The following CACNB2 variants were observed in gnomAD, a reference collection of about 807,000 sequenced individuals.
CACNB2 encodes the protein voltage-dependent L-type calcium channel subunit beta-2.
CACNB2 carries 42 observed loss-of-function variants against 73.3 expected under a neutral mutation model. The ratio of observed to expected loss-of-function variants is 0.57; its 90% CI spans 0.45 to 0.74. CACNB2 has a LOEUF of 0.74. CACNB2 is among the 30% of genes least tolerant of loss of function. The pLI is 0.00. For synonymous variants in CACNB2, 348 were observed against 310.3 expected, an observed-to-expected ratio of 1.12 and a Z score of -1.28; for missense variants, 940 against 853.0, an observed-to-expected ratio of 1.10 and a Z score of -1.27.
intron 2 of CACNB2, among the ~76,000 whole-genome samples, chr10:18,267,876 C>G (rs1296828346): frequency 6.6e-6 from 1 of 152,182 alleles, no homozygotes; most frequent in African/African-American, 2.4e-5. Context: ...AGCGGCCCAG[C>G]CTTTGCACAC....
intron 10 of CACNB2, among the ~76,000 whole-genome samples, chr10:18,529,594 G>A (rs1024083296): frequency 6.6e-6 from 1 of 152,182 alleles, no homozygotes; most frequent in Non-Finnish European, 1.5e-5. Context: ...GAGGGTGACA[G>A]TGATTCGAGA....
intron 3 of CACNB2, among the ~76,000 whole-genome samples, chr10:18,429,664 C>CA (rs1265429356): frequency 0.12 from 7,528 of 62,776 alleles, 1,385 homozygotes; most frequent in African/African-American, 0.26. Context: ...CCGTCTCTAC[C>CA]AAAAAAAAAA....
chr10:18,324,360 G>T (rs2040502808), intron 2 of CACNB2, among the ~76,000 whole-genome samples: 1 of 152,168 alleles, frequency 6.6e-6, no homozygotes, highest in Non-Finnish European at 1.5e-5. Context: ...ATTGGAGTTT[G>T]CCAGGAAGAC....
intron 2 of CACNB2, among the ~76,000 whole-genome samples, chr10:18,273,888 C>T (rs1375160415): frequency 6.6e-6 from 1 of 152,176 alleles, no homozygotes; most frequent in Non-Finnish European, 1.5e-5. Context: ...CAAGGTACAA[C>T]TTTAACTACT....
At chr10:18,388,240 ACTT>A (rs1439100740) in intron 2 of CACNB2, among the ~76,000 whole-genome samples, 1 of 152,216 alleles carries the variant, frequency 6.6e-6, no homozygotes, top group East Asian at 1.9e-4. Flanking sequence ...GATATAAACT[ACTT>A]TTGACCAATG....
chr10:18,329,554 A>G (rs912749707), intron 2 of CACNB2, among the ~76,000 whole-genome samples: 3 of 151,722 alleles, frequency 2.0e-5, no homozygotes, highest in African/African-American at 7.3e-5. Flanking sequence ...AAGCTTAAAT[A>G]ATGGGCCATT....
chr10:18,308,127 A>G (rs531494047), intron 2 of CACNB2, among the ~76,000 whole-genome samples: 16 of 151,232 alleles, frequency 1.1e-4, no homozygotes, highest in African/African-American at 2.7e-4. Flanking sequence ...CTGAGCAGCT[A>G]CGATTACAGG....
chr10:18,400,953 G>T (rs973065942), intron 2 of CACNB2: 1 of 1,607,526 alleles, frequency 6.2e-7, no homozygotes, highest in East Asian at 2.2e-5. Context: ...AAAGGAGCTG[G>T]GGTTCTCCGG....
rs201538016 is a variant in CACNB2 at position 18,396,226 on chromosome 10, G to A, written c.214-5698G>A. Among the ~76,000 whole-genome samples the A allele has an allele frequency of 7.9e-5, 12 of 152,220 alleles. No homozygotes were observed. In the East Asian group the frequency reaches 2.3e-3, roughly 29 times the overall value. On this transcript the variant is annotated intron_variant, in intron 2 of 13. Transcript: ENST00000324631. ...CCTGCCTCTGCCTCCCAAAGTGCTG[G>A]GATTACAGGCATGAGCCAGCATGCA...
intron 2 of CACNB2, among the ~76,000 whole-genome samples, chr10:18,249,937 G>T (rs905539156): frequency 6.6e-6 from 1 of 152,014 alleles, no homozygotes; most frequent in Non-Finnish European, 1.5e-5. Flanking sequence ...CTCAGGAAAT[G>T]GAGCAATCAT....
intron 2 of CACNB2, among the ~76,000 whole-genome samples, chr10:18,285,620 A>G (rs2038753978): frequency 6.6e-6 from 1 of 152,222 alleles, no homozygotes; most frequent in Admixed American, 6.5e-5. Flanking sequence ...ATAAGATAAT[A>G]AGTTGTTCTT....
chr10:18,535,294 T>C (rs1460700426), intron 11 of CACNB2, among the ~76,000 whole-genome samples: 2 of 152,164 alleles, frequency 1.3e-5, no homozygotes, highest in African/African-American at 4.8e-5. Flanking sequence ...AAGAAGACTA[T>C]ACTAAATTGT....
At chr10:18,299,508 C>G (rs2039420638) in intron 2 of CACNB2, among the ~76,000 whole-genome samples, 2 of 152,256 alleles carry the variant, frequency 1.3e-5, no homozygotes, top group African/African-American at 2.4e-5. Context: ...TTGAAGGTCA[C>G]TTTCCCAGCC....
At chr10:18,484,340 C>T (rs1032598418) in intron 3 of CACNB2, among the ~76,000 whole-genome samples, 11 of 151,288 alleles carry the variant, frequency 7.3e-5, no homozygotes, top group African/African-American at 2.4e-4. Flanking sequence ...GTTGCAGTGA[C>T]CTGAGATCAC....
intron 3 of CACNB2, among the ~76,000 whole-genome samples, chr10:18,478,157 C>T (rs1362164426): frequency 2.0e-5 from 3 of 152,118 alleles, no homozygotes; most frequent in Non-Finnish European, 4.4e-5. Context: ...GTCTCAAACT[C>T]CTGACCTAAG....
At chr10:18,188,603 C>G (rs1056343735) in intron 2 of CACNB2, among the ~76,000 whole-genome samples, 4 of 151,988 alleles carry the variant, frequency 2.6e-5, no homozygotes, top group African/African-American at 7.3e-5. Flanking sequence ...CTGTGCCCGG[C>G]CTTCTTTGTG....
At chr10:18,379,055 T>G (rs2042913301) in intron 2 of CACNB2, among the ~76,000 whole-genome samples, 1 of 152,204 alleles carries the variant, frequency 6.6e-6, no homozygotes, top group Admixed American at 6.5e-5. Context: ...GAATTTCTTC[T>G]GTGTGTCAGT....
At chr10:18,328,927 C>A (rs997406936) in intron 2 of CACNB2, among the ~76,000 whole-genome samples, 1 of 152,174 alleles carries the variant, frequency 6.6e-6, no homozygotes, top group Non-Finnish European at 1.5e-5. Flanking sequence ...TCCAGTTTTT[C>A]ATTTGATACT....
At chr10:18,302,735 C>A (rs2039575237) in intron 2 of CACNB2, among the ~76,000 whole-genome samples, 1 of 152,230 alleles carries the variant, frequency 6.6e-6, no homozygotes, top group Non-Finnish European at 1.5e-5. Context: ...GGATAAAAGA[C>A]TACAAGTTGG....
Sources: gnomAD v4.1 joint callset for allele counts (sites outside exome capture counted in the v4.1 genomes callset) on GRCh38, gnomAD v4.1.1 for gene constraint, MANE v1.5 for transcripts, NCBI Gene and HGNC (gene_info 2026-07-23, HGNC 2026-07-21) for gene names.